PDE1C: variants seen among roughly 807,000 people sequenced by gnomAD.
PDE1C encodes phosphodiesterase 1C.
A neutral mutation model predicts 93.1 loss-of-function variants in PDE1C; 62 were observed. The ratio of observed to expected loss-of-function variants is 0.67; its 90% confidence interval spans 0.54 to 0.82. PDE1C has a LOEUF of 0.82. PDE1C is among the 40% of genes least tolerant of loss of function. The pLI, the probability that PDE1C is intolerant of heterozygous loss-of-function variation, is 0.00. For synonymous variants in PDE1C, 325 were observed against 310.1 expected, an observed-to-expected ratio of 1.05 and a Z score of -0.50; for missense variants, 742 against 884.6, an observed-to-expected ratio of 0.84 and a Z score of 2.04.
intron 1 of PDE1C, among the ~76,000 whole-genome samples, chr7:32,411,891 A>ATT (rs35552220): frequency 1.2e-3 from 175 of 150,698 alleles, no homozygotes; most frequent in Non-Finnish European, 1.8e-3. Context: ...AAATATTTTA[A>ATT]TTTTTTTTTT....
At chr7:31,638,830 G>A in the PDE1C span, among the ~76,000 whole-genome samples, 1 of 152,122 alleles carries the variant, frequency 6.6e-6, no homozygotes, top group Admixed American at 6.5e-5. Flanking sequence ...AGGCTGGAGT[G>A]GAGTGACCCA....
rs1798190554 is a variant in PDE1C, at chr7:32,104,381, A to C, written c.308+65404T>G. Among the ~76,000 whole-genome samples the C allele has an allele frequency of 1.3e-5, 2 of 152,252 alleles. 1 individual carries two copies. The highest frequency in any genetic ancestry group is 4.1e-4 in the South Asian group (2 of 4,836). On this transcript the variant is annotated intron_variant, in intron 3 of 18. Coordinates refer to the PDE1C transcript ENST00000396193. Reference sequence around the variant, plus strand: ...AAAAGCAATGCCTTGTTTTGAGCAAAATATTTCTCAACCTGGAGCTTTATG... The same window carrying C: ...AAAAGCAATGCCTTGTTTTGAGCAACATATTTCTCAACCTGGAGCTTTATG...
In PDE1C at chr7:32,106,355, G is replaced by C. The variant is rs745529480; in HGVS notation, c.308+63430C>G. Among the ~76,000 whole-genome samples the C allele has an allele frequency of 1.3e-3, 193 of 152,074 alleles. 1 individual carries two copies. Among genetic ancestry groups the C allele is most frequent in the Non-Finnish European group, 2.1e-3 (142 of 68,026 alleles). ...CACTATGCCCAGCTTTACAACTAGAGTTCTAGTGTCCTTCTCTTAAATATG... is the reference window on the plus strand; with the variant it reads ...CACTATGCCCAGCTTTACAACTAGACTTCTAGTGTCCTTCTCTTAAATATG... On this transcript the variant is annotated intron_variant, in intron 3 of 18. Coordinates refer to the PDE1C transcript ENST00000396193.
intron 2 of PDE1C, among the ~76,000 whole-genome samples, chr7:31,978,448 G>A (rs1171038306): frequency 1.3e-5 from 2 of 152,222 alleles, no homozygotes; most frequent in African/African-American, 2.4e-5. Context: ...GTCAGGATGG[G>A]AGAAATGTGT....
chr7:31,815,098 C>T (rs1157813306), intron 15 of PDE1C, among the ~76,000 whole-genome samples: 1 of 152,088 alleles, frequency 6.6e-6, no homozygotes, highest in Non-Finnish European at 1.5e-5. Context: ...CCTCTTGAAG[C>T]CTACTCTGAC....
At position 31,828,700 on chromosome 7, in the gene PDE1C, T is replaced by G. The variant is rs142860854; in HGVS notation, c.1204-327A>C. Among the ~76,000 whole-genome samples, 558 of 152,270 alleles carry G rather than the reference T, an allele frequency of 3.7e-3. 4 individuals carry two copies. Among genetic ancestry groups the G allele is most frequent in the African/African-American group, 0.013 (536 of 41,566 alleles). On this transcript the variant is annotated intron_variant, in intron 11 of 17. Coordinates refer to ENST00000396191, the MANE Select transcript of PDE1C (RefSeq NM_001191057.4). ...CAGCCAGCACTGCAGGCAGAATTTC[T>G]GTGTTTTCTCAAGTCATCCTGGGTC...
intron 1 of PDE1C, among the ~76,000 whole-genome samples, chr7:32,279,380 A>G (rs1457736710): frequency 6.6e-6 from 1 of 152,228 alleles, no homozygotes; most frequent in African/African-American, 2.4e-5. Context: ...GATAGGAGGA[A>G]TAAGTCCTGG....
chr7:32,337,594 A>G (rs960581463), intron 1 of PDE1C, among the ~76,000 whole-genome samples: 2 of 152,188 alleles, frequency 1.3e-5, no homozygotes, highest in African/African-American at 4.8e-5. Flanking sequence ...CTGACTACAA[A>G]TATCAAGACA....
At chr7:32,379,550 G>T (rs1425708860) in intron 1 of PDE1C, among the ~76,000 whole-genome samples, 1 of 152,076 alleles carries the variant, frequency 6.6e-6, no homozygotes, top group Non-Finnish European at 1.5e-5. Context: ...GCCTAGAATG[G>T]ATTAAAAAAA....
At chr7:31,674,879 C>T in the PDE1C span, among the ~76,000 whole-genome samples, 379 of 152,262 alleles carry the variant, frequency 2.5e-3, 1 homozygote, top group African/African-American at 8.8e-3. Flanking sequence ...ATATGTGTCA[C>T]AAAAGATCAA....
At chr7:32,051,048 G>T (rs1055343820) in intron 2 of PDE1C, among the ~76,000 whole-genome samples, 1 of 152,240 alleles carries the variant, frequency 6.6e-6, no homozygotes, top group African/African-American at 2.4e-5. Context: ...GATGATGACA[G>T]ATGTCATTCT....
At chr7:31,953,777 G>A (rs1287931457) in intron 2 of PDE1C, among the ~76,000 whole-genome samples, 3 of 151,802 alleles carry the variant, frequency 2.0e-5, no homozygotes, top group Non-Finnish European at 4.4e-5. Context: ...GGTCTCTTAC[G>A]TGAAAAAGTA....
intron 2 of PDE1C, among the ~76,000 whole-genome samples, chr7:31,981,911 A>G (rs954245423): frequency 5.3e-5 from 8 of 152,242 alleles, no homozygotes; most frequent in African/African-American, 1.2e-4. Flanking sequence ...TTCTCTGAGC[A>G]TGGTTTACAT....
intron 6 of PDE1C, among the ~76,000 whole-genome samples, chr7:31,871,039 G>C (rs1795886138): frequency 6.6e-6 from 1 of 151,532 alleles, no homozygotes; most frequent in African/African-American, 2.4e-5. Context: ...CAGACACACA[G>C]TCCAATGGAA....
At chr7:32,277,820 T>C (rs1811376779) in intron 1 of PDE1C, among the ~76,000 whole-genome samples, 2 of 152,214 alleles carry the variant, frequency 1.3e-5, no homozygotes, top group Non-Finnish European at 2.9e-5. Context: ...AAGAAGAGAC[T>C]TGATGGTAGC....
intron 15 of PDE1C, among the ~76,000 whole-genome samples, chr7:31,812,509 C>G (rs1787681971): frequency 6.6e-6 from 1 of 152,030 alleles, no homozygotes. Flanking sequence ...GACCCACAAA[C>G]TAAGAATGGC....
At chr7:32,158,378 A>G (rs1801706358) in intron 3 of PDE1C, among the ~76,000 whole-genome samples, 1 of 152,176 alleles carries the variant, frequency 6.6e-6, no homozygotes, top group African/African-American at 2.4e-5. Context: ...GCTGACTTCC[A>G]GGGTTAGGAG....
intron 1 of PDE1C, among the ~76,000 whole-genome samples, chr7:32,418,466 C>T (rs1392512454): frequency 1.3e-5 from 2 of 152,128 alleles, no homozygotes; most frequent in African/African-American, 4.8e-5. Flanking sequence ...ATGTTAACGT[C>T]TATTGTTCCT....
chr7:31,815,176 G>A (rs1788079735), intron 15 of PDE1C, among the ~76,000 whole-genome samples: 1 of 151,928 alleles, frequency 6.6e-6, no homozygotes, highest in Non-Finnish European at 1.5e-5. Flanking sequence ...ATGTTCCTCG[G>A]GCATTTTATC....
Sources: gnomAD v4.1 joint callset for allele counts (sites outside exome capture counted in the v4.1 genomes callset) on GRCh38, gnomAD v4.1.1 for gene constraint, MANE v1.5 for transcripts, NCBI Gene and HGNC (gene_info 2026-07-23, HGNC 2026-07-21) for gene names.